The following ZBTB7C variants were observed in gnomAD, a reference collection of about 807,000 sequenced individuals.
ZBTB7C encodes the protein zinc finger and BTB domain-containing protein 7C.
A neutral mutation model predicts 25.7 loss-of-function variants in ZBTB7C; 8 were observed. The ratio of observed to expected loss-of-function variants is 0.31; its 90% confidence interval spans 0.18 to 0.56. ZBTB7C has a LOEUF of 0.56. ZBTB7C is among the 20% of genes least tolerant of loss of function. The probability of loss-of-function intolerance (pLI) is 0.91; values close to 1 mark genes in which losing one functional copy is unlikely to be tolerated. For synonymous variants in ZBTB7C, 394 were observed against 369.0 expected, an observed-to-expected ratio of 1.07 and a Z score of -0.78; for missense variants, 824 against 855.2, an observed-to-expected ratio of 0.96 and a Z score of 0.46.
intron 3 of ZBTB7C, among the ~76,000 whole-genome samples, chr18:48,048,526 A>C (rs2036560399): frequency 6.6e-6 from 1 of 152,034 alleles, no homozygotes; most frequent in Non-Finnish European, 1.5e-5. Flanking sequence ...CTTGGTAATT[A>C]CCCTCCTTGA....
intron 2 of ZBTB7C, among the ~76,000 whole-genome samples, chr18:48,322,609 A>C (rs1420329259): frequency 1.3e-5 from 2 of 152,252 alleles, no homozygotes; most frequent in Admixed American, 6.5e-5. Context: ...AATGTAAACT[A>C]GCGCAACCAC....
intron 3 of ZBTB7C, among the ~76,000 whole-genome samples, chr18:48,078,402 G>A (rs2037855348): frequency 6.6e-6 from 1 of 152,196 alleles, no homozygotes; most frequent in African/African-American, 2.4e-5. Context: ...GACCTCTGCT[G>A]CCTCTGGGGG....
chr18:48,307,572 G>A (rs769090392), intron 2 of ZBTB7C, among the ~76,000 whole-genome samples: 4 of 152,228 alleles, frequency 2.6e-5, no homozygotes, highest in East Asian at 1.9e-4. Context: ...ACCTCTGGCC[G>A]GGTGCGGTGG....
At chr18:48,309,145 C>T (rs1358733260) in intron 2 of ZBTB7C, among the ~76,000 whole-genome samples, 1 of 152,162 alleles carries the variant, frequency 6.6e-6, no homozygotes, top group East Asian at 1.9e-4. Flanking sequence ...ACTGGAGCCC[C>T]GCACTGCTGG....
At chr18:48,316,604 C>T (rs1463375266) in intron 2 of ZBTB7C, among the ~76,000 whole-genome samples, 1 of 152,198 alleles carries the variant, frequency 6.6e-6, no homozygotes, top group African/African-American at 2.4e-5. Context: ...CACAGGAGAG[C>T]TGGTTGTTTT....
intron 2 of ZBTB7C, among the ~76,000 whole-genome samples, chr18:48,239,226 C>G (rs2043459866): frequency 6.6e-6 from 1 of 152,172 alleles, no homozygotes; most frequent in Admixed American, 6.5e-5. Context: ...GATGGTCTTT[C>G]TCTACCCTCC....
intron 2 of ZBTB7C, among the ~76,000 whole-genome samples, chr18:48,265,175 T>C (rs2044275531): frequency 6.6e-6 from 1 of 152,228 alleles, no homozygotes; most frequent in South Asian, 2.1e-4. Flanking sequence ...CAAGAGTCCC[T>C]CTACTCTTGA....
intron 2 of ZBTB7C, among the ~76,000 whole-genome samples, chr18:48,316,414 G>T (rs898965029): frequency 6.6e-6 from 1 of 152,188 alleles, no homozygotes; most frequent in African/African-American, 2.4e-5. Flanking sequence ...TAGCAGGAAG[G>T]CCGCTGCAGC....
In ZBTB7C at chr18:48,115,778, T is replaced by C. The variant is rs530289723; in HGVS notation, c.-17+70156A>G. ...ATTGCTGGGTCACATGGCAATTCTG[T>C]GTTTTACTTTCTGGGGAACCACAAC... On this transcript the variant is annotated intron_variant, in intron 3 of 4. Coordinates refer to ENST00000590800, the MANE Select transcript of ZBTB7C (RefSeq NM_001318841.2). Among the ~76,000 whole-genome samples the C allele has an allele frequency of 2.0e-3, 312 of 152,238 alleles. 1 individual carries two copies. Among genetic ancestry groups the C allele is most frequent in the African/African-American group, 6.9e-3 (287 of 41,516 alleles).
chr18:48,180,476 G>T, intron 3 of ZBTB7C: 1 of 384,356 alleles, frequency 2.6e-6, no homozygotes. Context: ...CCTATGCCAT[G>T]CCTGGGGAGA....
intron 2 of ZBTB7C, among the ~76,000 whole-genome samples, chr18:48,302,116 C>A (rs2045558956): frequency 6.6e-6 from 1 of 152,160 alleles, no homozygotes; most frequent in South Asian, 2.1e-4. Flanking sequence ...ATTCTCCTTC[C>A]CTTCTCCAGG....
chr18:48,125,487 ACAG>A (rs1380213634), intron 3 of ZBTB7C, among the ~76,000 whole-genome samples: 1 of 152,214 alleles, frequency 6.6e-6, no homozygotes, highest in Non-Finnish European at 1.5e-5. Flanking sequence ...GGGTGCATGG[ACAG>A]CCCTCTGTGC....
At chr18:48,123,456 C>T (rs2039696528) in intron 3 of ZBTB7C, among the ~76,000 whole-genome samples, 1 of 152,248 alleles carries the variant, frequency 6.6e-6, no homozygotes, top group Non-Finnish European at 1.5e-5. Flanking sequence ...GCGTCAGAGG[C>T]CTGGGCGTTT....
chr18:48,217,810 G>C (rs527597841), intron 2 of ZBTB7C, among the ~76,000 whole-genome samples: 1 of 152,252 alleles, frequency 6.6e-6, no homozygotes, highest in Admixed American at 6.5e-5. Flanking sequence ...GGTGGCCTTG[G>C]GTGGCCAGGG....
intron 2 of ZBTB7C, among the ~76,000 whole-genome samples, chr18:48,200,035 C>T (rs879640721): frequency 2.0e-5 from 3 of 151,510 alleles, no homozygotes; most frequent in Non-Finnish European, 4.4e-5. Context: ...TTTTTTTTGA[C>T]TCTTGGGCCA....
At position 48,236,484 on chromosome 18, in the gene ZBTB7C, G is replaced by A. The variant is rs528088077; in HGVS notation, c.-78-50489C>T. 4.3e-4 allele frequency among the ~76,000 whole-genome samples: 65 copies of A among 152,296 alleles called. 2 individuals are homozygous for A. The South Asian group carries it at 0.012, about 28-fold the overall frequency. ...AACAAAGGCACCACCTAAAACCCACGCTAGCCTTAGGGAAGAGAAGTTCAG... is the reference window on the plus strand; with the variant it reads ...AACAAAGGCACCACCTAAAACCCACACTAGCCTTAGGGAAGAGAAGTTCAG... On this transcript the variant is annotated intron_variant, in intron 2 of 4. Coordinates refer to ENST00000590800, the MANE Select transcript of ZBTB7C (RefSeq NM_001318841.2).
At chr18:48,101,331 T>C (rs1388245665) in intron 3 of ZBTB7C, among the ~76,000 whole-genome samples, 1 of 152,210 alleles carries the variant, frequency 6.6e-6, no homozygotes, top group Non-Finnish European at 1.5e-5. Flanking sequence ...ACACGCATAA[T>C]TGTAAATGTT....
intron 1 of ZBTB7C, among the ~76,000 whole-genome samples, chr18:48,368,939 G>C (rs2047319692): frequency 6.6e-6 from 1 of 152,162 alleles, no homozygotes; most frequent in African/African-American, 2.4e-5. Flanking sequence ...AAACGGCTAA[G>C]GTAAGGTCTT....
At chr18:48,150,366 T>C (rs1487425789) in intron 3 of ZBTB7C, 1 of 151,934 alleles carries the variant, frequency 6.6e-6, no homozygotes, top group Admixed American at 6.6e-5. Flanking sequence ...CAAATCACCT[T>C]AGGTCAGGAG....
Sources: allele counts gnomAD v4.1 joint callset (sites outside exome capture counted in the v4.1 genomes callset), GRCh38; gene constraint gnomAD v4.1.1; transcripts MANE v1.5; gene names NCBI Gene and HGNC (gene_info 2026-07-23, HGNC 2026-07-21).